LRRC4C: variants seen among roughly 807,000 people sequenced by gnomAD.
LRRC4C encodes leucine-rich repeat-containing protein 4C.
In LRRC4C, 5 loss-of-function variants were observed where a neutral mutation model predicts 33.6. The ratio of observed to expected loss-of-function variants is 0.15; its 90% CI spans 0.08 to 0.31. LRRC4C has a LOEUF of 0.31. Ranked by LOEUF, LRRC4C falls within the 10% of genes least tolerant of loss-of-function variation. The pLI, the probability that LRRC4C is intolerant of heterozygous loss-of-function variation, is 1.00. For synonymous variants in LRRC4C, 329 were observed against 302.0 expected (o/e 1.09, Z -0.93); for missense variants, 560 against 796.7 (o/e 0.70, Z 3.58).
intron 1 of LRRC4C, among the ~76,000 whole-genome samples, chr11:41,261,519 G>C (rs1948981589): frequency 6.6e-6 from 1 of 152,096 alleles, no homozygotes; most frequent in African/African-American, 2.4e-5. Flanking sequence ...CCCCCATTTG[G>C]CTCACAGATA....
chr11:41,366,645 G>A (rs1952556061), intron 1 of LRRC4C, among the ~76,000 whole-genome samples: 1 of 152,142 alleles, frequency 6.6e-6, no homozygotes, highest in East Asian at 1.9e-4. Flanking sequence ...CAAAGAACAT[G>A]ATTCTATTAG....
At chr11:40,806,302 C>T (rs2135338283) in intron 2 of LRRC4C, among the ~76,000 whole-genome samples, 1 of 152,296 alleles carries the variant, frequency 6.6e-6, no homozygotes, top group South Asian at 2.1e-4. Context: ...CTTGGATTTT[C>T]CTTCTCTTCA....
At chr11:41,236,560 C>T (rs2136507160) in intron 1 of LRRC4C, among the ~76,000 whole-genome samples, 1 of 150,946 alleles carries the variant, frequency 6.6e-6, no homozygotes, top group African/African-American at 2.4e-5. Flanking sequence ...AAATGTATTC[C>T]AGTCATTATA....
intron 1 of LRRC4C, among the ~76,000 whole-genome samples, chr11:40,982,883 CTCA>C (rs1852642696): frequency 6.6e-6 from 1 of 152,078 alleles, no homozygotes; most frequent in African/African-American, 2.4e-5. Context: ...TCTATGTGTT[CTCA>C]TCATTTAGCT....
intron 3 of LRRC4C, among the ~76,000 whole-genome samples, chr11:40,552,516 A>C (rs574009699): frequency 2.4e-4 from 36 of 152,312 alleles, no homozygotes; most frequent in African/African-American, 8.2e-4. Context: ...GAACTCTTTC[A>C]GAACCCTACT....
chr11:40,585,095 G>A (rs977521624), intron 3 of LRRC4C, among the ~76,000 whole-genome samples: 2 of 152,130 alleles, frequency 1.3e-5, no homozygotes, highest in South Asian at 2.1e-4. Flanking sequence ...AACAGAACAG[G>A]TATGGTTGGC....
intron 2 of LRRC4C, among the ~76,000 whole-genome samples, chr11:40,854,261 G>A (rs1041916110): frequency 6.6e-5 from 10 of 152,144 alleles, no homozygotes; most frequent in African/African-American, 2.4e-4. Flanking sequence ...TAACAGGAAT[G>A]GGAGTTTTCC....
At chr11:41,362,062 A>T (rs1265220225) in intron 1 of LRRC4C, among the ~76,000 whole-genome samples, 2 of 152,250 alleles carry the variant, frequency 1.3e-5, no homozygotes, top group Non-Finnish European at 2.9e-5. Context: ...TTGGAGATGC[A>T]GTTTAATCTA....
chr11:40,429,134 TA>T (rs1241584959), intron 3 of LRRC4C, among the ~76,000 whole-genome samples: 1 of 152,216 alleles, frequency 6.6e-6, no homozygotes, highest in African/African-American at 2.4e-5. Flanking sequence ...TAATATTTAT[TA>T]AGTTTCAGGC....
At chr11:40,702,061 G>C (rs999935900) in intron 2 of LRRC4C, among the ~76,000 whole-genome samples, 19 of 151,844 alleles carry the variant, frequency 1.3e-4, no homozygotes, top group Non-Finnish European at 2.1e-4. Flanking sequence ...AAATTATTAA[G>C]TGATACCATA....
chr11:41,144,542 A>AAC (rs1164332131), intron 1 of LRRC4C, among the ~76,000 whole-genome samples: 7 of 152,180 alleles, frequency 4.6e-5, no homozygotes, highest in South Asian at 4.1e-4. Context: ...AAGGCTTTTC[A>AAC]ACACACATAT....
At chr11:40,591,220 G>A (rs947283682) in intron 3 of LRRC4C, among the ~76,000 whole-genome samples, 9 of 152,134 alleles carry the variant, frequency 5.9e-5, no homozygotes, top group African/African-American at 1.2e-4. Context: ...CGCAGTATTC[G>A]GGTGGGAGCG....
intron 3 of LRRC4C, among the ~76,000 whole-genome samples, chr11:40,591,827 C>G (rs1959072659): frequency 1.3e-5 from 2 of 152,162 alleles, no homozygotes; most frequent in Admixed American, 1.3e-4. Flanking sequence ...AACTTTAGCT[C>G]AATGAATCAG....
chr11:40,337,168 A>G (rs1946666120), intron 3 of LRRC4C, among the ~76,000 whole-genome samples: 1 of 152,124 alleles, frequency 6.6e-6, no homozygotes, highest in Non-Finnish European at 1.5e-5. Flanking sequence ...ACCCTGACGT[A>G]GCAAAGTGCT....
chr11:40,934,782 T>G (rs1008776662), intron 1 of LRRC4C, among the ~76,000 whole-genome samples: 1 of 152,152 alleles, frequency 6.6e-6, no homozygotes, highest in African/African-American at 2.4e-5. Context: ...TTTACACACC[T>G]GGAATTGACA....
intron 2 of LRRC4C, among the ~76,000 whole-genome samples, chr11:40,774,357 T>C (rs1021699588): frequency 3.3e-5 from 5 of 152,282 alleles, no homozygotes; most frequent in African/African-American, 1.2e-4. Context: ...TGTGAACATA[T>C]ACTATATAAA....
chr11:41,262,495 A>T (rs1454921161), intron 1 of LRRC4C, among the ~76,000 whole-genome samples: 1 of 151,954 alleles, frequency 6.6e-6, no homozygotes, highest in Non-Finnish European at 1.5e-5. Context: ...GTTGAACAAA[A>T]TTGAGGGCTT....
At chr11:40,378,930 G>A (rs181845365) in intron 3 of LRRC4C, among the ~76,000 whole-genome samples, 1 of 152,180 alleles carries the variant, frequency 6.6e-6, no homozygotes, top group Non-Finnish European at 1.5e-5. Context: ...GTTTTCCATT[G>A]CTTTACTGAC....
At chr11:40,327,479 C>G (rs1326648336) in intron 3 of LRRC4C, among the ~76,000 whole-genome samples, 1 of 152,204 alleles carries the variant, frequency 6.6e-6, no homozygotes, top group Non-Finnish European at 1.5e-5. Flanking sequence ...CTGTTAATTA[C>G]ACTTGATCTT....
Sources: allele counts gnomAD v4.1 joint callset (sites outside exome capture counted in the v4.1 genomes callset), GRCh38; gene constraint gnomAD v4.1.1; transcripts MANE v1.5; gene names NCBI Gene and HGNC (gene_info 2026-07-23, HGNC 2026-07-21).